CACNA2D2: variants seen among roughly 807,000 people sequenced by gnomAD.
CACNA2D2 encodes voltage-dependent calcium channel subunit alpha-2/delta-2.
Under a neutral mutation model 166.4 loss-of-function variants are expected in CACNA2D2, and 48 were observed. That is an observed-to-expected ratio of 0.29 (90% CI 0.23 to 0.37). The LOEUF is 0.37. Ranked by LOEUF, CACNA2D2 falls within the 10% of genes least tolerant of loss-of-function variation. The pLI, the probability that CACNA2D2 is intolerant of heterozygous loss-of-function variation, is 1.00. For synonymous variants in CACNA2D2, 561 were observed against 573.7 expected, an observed-to-expected ratio of 0.98 and a Z score of 0.32; for missense variants, 1,122 against 1,433.0, an observed-to-expected ratio of 0.78 and a Z score of 3.50.
chr3:50,435,540 G>C (rs759100630), intron 2 of CACNA2D2, among the ~76,000 whole-genome samples: 8 of 151,422 alleles, frequency 5.3e-5, no homozygotes, highest in East Asian at 2.0e-4. Flanking sequence ...AGATAAGGAG[G>C]GGGGAGAGGC....
Position 50,375,733 on chromosome 3 carries a change from T to C in CACNA2D2, c.1846-28A>G. ...GGGAGAGGAGGCTGGGTCAGGTACT[T>C]GGGCTAGCAGGCAGGGGGCGCTGGG... On this transcript the variant is annotated intron_variant, in intron 20 of 37. Coordinates refer to ENST00000424201, the MANE Select transcript of CACNA2D2 (RefSeq NM_006030.4). This position sits in a 1 kb window ranked among gnomAD's most constrained non-coding sequence, Gnocchi z 4.0. 1.2e-6 allele frequency: 2 copies of C among 1,613,074 alleles called. No homozygotes were observed. Among genetic ancestry groups the C allele is most frequent in the Non-Finnish European group, 1.7e-6 (2 of 1,179,904 alleles).
intron 2 of CACNA2D2, among the ~76,000 whole-genome samples, chr3:50,441,442 TA>T (rs1407437395): frequency 6.6e-6 from 1 of 152,240 alleles, no homozygotes; most frequent in African/African-American, 2.4e-5. Flanking sequence ...ATCCATGTCA[TA>T]AAAAGGCTCA....
At chr3:50,449,861 C>T (rs1418193841) in intron 2 of CACNA2D2, among the ~76,000 whole-genome samples, 3 of 152,176 alleles carry the variant, frequency 2.0e-5, no homozygotes, top group Non-Finnish European at 4.4e-5. Context: ...GGAGAGAGAC[C>T]TAGGGCTGGG....
At chr3:50,456,688 TCTA>T (rs1456862202) in intron 2 of CACNA2D2, among the ~76,000 whole-genome samples, 3 of 152,168 alleles carry the variant, frequency 2.0e-5, no homozygotes, top group Admixed American at 2.0e-4. Flanking sequence ...TCAGCATCTG[TCTA>T]CCTGCCCTCC....
At chr3:50,395,905 T>G (rs1706126374) in intron 3 of CACNA2D2, among the ~76,000 whole-genome samples, 1 of 151,982 alleles carries the variant, frequency 6.6e-6, no homozygotes, top group African/African-American at 2.4e-5. Context: ...AGAAAGTGTC[T>G]CTTGGGGTCA....
intron 1 of CACNA2D2, among the ~76,000 whole-genome samples, chr3:50,502,267 G>C (rs1488706004): frequency 6.6e-6 from 1 of 152,214 alleles, no homozygotes. Context: ...TGGCTCCTCA[G>C]ACCCGGAGAC....
At chr3:50,458,978 T>C (rs1709483812) in intron 2 of CACNA2D2, among the ~76,000 whole-genome samples, 1 of 152,192 alleles carries the variant, frequency 6.6e-6, no homozygotes, top group Non-Finnish European at 1.5e-5. Flanking sequence ...AGCTGGGGCA[T>C]GTGTTAGTGT....
At chr3:50,431,153 T>TG (rs1007208916) in intron 3 of CACNA2D2, among the ~76,000 whole-genome samples, 1 of 152,066 alleles carries the variant, frequency 6.6e-6, no homozygotes, top group Non-Finnish European at 1.5e-5. Flanking sequence ...AACAATGTAG[T>TG]GGGGGGTGGG....
At position 50,365,812 on chromosome 3, in the gene CACNA2D2, G is replaced by C; in HGVS notation, c.2913C>G (p.Ala971=). 1 of 1,613,520 alleles carries C rather than the reference G, an allele frequency of 6.2e-7. No homozygotes were observed. Among genetic ancestry groups the C allele is most frequent in the Admixed American group, 1.7e-5 (1 of 60,018 alleles). ...LNLAWWTSAA[A]WSLFQQLLYG... ...CCCACCTCCCGCTCAGGACTCACCA[G>C]GCGGCAGCAGAGGTCCACCAGGCCA... The change falls in exon 33 of 38, where the codon GCC becomes GCG. Residue 971 remains alanine (A), a splice_region_variant and synonymous_variant. Coordinates refer to ENST00000424201, the MANE Select transcript of CACNA2D2 (RefSeq NM_006030.4). This position sits in a 1 kb window ranked among gnomAD's most constrained non-coding sequence, Gnocchi z 4.5.
At chr3:50,464,930 C>G (rs947130624) in intron 2 of CACNA2D2, among the ~76,000 whole-genome samples, 16 of 152,232 alleles carry the variant, frequency 1.1e-4, no homozygotes, top group African/African-American at 3.9e-4. Flanking sequence ...CCAAGAAGGG[C>G]CCAGAAAGGA....
chr3:50,411,192 T>C (rs1454642753), intron 3 of CACNA2D2, among the ~76,000 whole-genome samples: 1 of 152,098 alleles, frequency 6.6e-6, no homozygotes, highest in Admixed American at 6.5e-5. Context: ...AGGGGACCGC[T>C]CCTCAAATGT....
In CACNA2D2 at chr3:50,367,041, T is replaced by C. The variant is rs1001681732; in HGVS notation, c.2470A>G (p.Ser824Gly). 3.1e-6 allele frequency: 5 copies of C among 1,613,612 alleles called. No homozygotes were observed. The African/African-American group carries it at 5.3e-5, about 17-fold the overall frequency. The change falls in exon 28 of 38, where the codon AGC becomes GGC. Residue 824 changes from serine (S) to glycine (G), a missense_variant. Physicochemically the swap from Ser to Gly is moderately conservative, Grantham distance 56 (BLOSUM62 0). This residue lies in a region of CACNA2D2 where 840 missense variants were observed against 1,166.8 expected (regional missense o/e 0.72). Transcript: ENST00000424201. This position sits in a 1 kb window ranked among gnomAD's most constrained non-coding sequence, Gnocchi z 6.5. The part of the protein sequence containing the change: ...GILVSTAVEL[S>G]LGRRTLRPAV... Reference sequence around the variant, plus strand: ...GGCCTCAGTGTGCGCCTGCCTAGGCTGAGCTCCACAGCTGTGCTGACGAGG... The same window carrying C: ...GGCCTCAGTGTGCGCCTGCCTAGGCCGAGCTCCACAGCTGTGCTGACGAGG...
At chr3:50,410,167 T>C (rs1340423286) in intron 3 of CACNA2D2, among the ~76,000 whole-genome samples, 2 of 152,178 alleles carry the variant, frequency 1.3e-5, no homozygotes, top group Non-Finnish European at 2.9e-5. Context: ...CAGTGACCCT[T>C]TGGGGGCGGC....
chr3:50,370,703 GAC>G (rs149944405), intron 22 of CACNA2D2, among the ~76,000 whole-genome samples: 2 of 151,482 alleles, frequency 1.3e-5, no homozygotes, highest in African/African-American at 2.4e-5. Flanking sequence ...CATATACACG[GAC>G]ACACACACAC....
At chr3:50,388,288 G>A (rs587611637) in intron 4 of CACNA2D2, among the ~76,000 whole-genome samples, 2 of 152,340 alleles carry the variant, frequency 1.3e-5, no homozygotes, top group Non-Finnish European at 2.9e-5. Context: ...CATGTGTAAT[G>A]ATCTTTAATC....
intron 1 of CACNA2D2, among the ~76,000 whole-genome samples, chr3:50,486,154 A>C (rs1278274957): frequency 6.6e-6 from 1 of 152,206 alleles, no homozygotes; most frequent in Non-Finnish European, 1.5e-5. Flanking sequence ...CTGTGTGCCC[A>C]GCCAGTGCTG....
chr3:50,464,324 T>C (rs1383491438), intron 2 of CACNA2D2, among the ~76,000 whole-genome samples: 1 of 152,222 alleles, frequency 6.6e-6, no homozygotes, highest in Non-Finnish European at 1.5e-5. Context: ...GCCTAGGGCA[T>C]CTAAGGCTGT....
intron 17 of CACNA2D2, 71 bp downstream of exon 17, chr3:50,377,396 A>T: frequency 1.6e-6 from 2 of 1,263,534 alleles, no homozygotes; most frequent in South Asian, 2.5e-5. Flanking sequence ...AATACCCATC[A>T]GTCTTCTCTG....
chr3:50,479,107 GAAGAGCC>G (rs1348452049), intron 1 of CACNA2D2, among the ~76,000 whole-genome samples: 1 of 152,178 alleles, frequency 6.6e-6, no homozygotes, highest in Non-Finnish European at 1.5e-5. Context: ...ATAATTTTTA[GAAGAGCC>G]AAGTCTTAGG....
Sources: allele counts gnomAD v4.1 joint callset (sites outside exome capture counted in the v4.1 genomes callset), GRCh38; gene constraint gnomAD v4.1.1; regional missense constraint gnomAD v4.1.1; non-coding constraint Gnocchi (gnomAD v3.1); transcripts MANE v1.5; gene names NCBI Gene and HGNC (gene_info 2026-07-23, HGNC 2026-07-21).